The following ANKRD17 variants were observed in gnomAD, a reference collection of about 807,000 sequenced individuals.
ANKRD17 encodes ankyrin repeat domain 17.
ANKRD17 carries 19 observed loss-of-function variants against 229.7 expected under a neutral mutation model. The observed-to-expected ratio is 0.08, with a 90% CI of 0.06 to 0.12. ANKRD17 has a LOEUF of 0.12. ANKRD17 is among the 10% of genes least tolerant of loss of function. The probability of loss-of-function intolerance (pLI) is 1.00; values close to 1 mark genes in which losing one functional copy is unlikely to be tolerated. For missense variants in ANKRD17, 2,176 were observed against 3,176.8 expected (o/e 0.68, Z 7.57); for synonymous variants, 1,112 against 1,146.1 (o/e 0.97, Z 0.60).
At chr4:73,161,371 A>G in intron 2 of ANKRD17, 23 bp from the exon 3 acceptor site, 4 of 1,611,706 alleles carry the variant, frequency 2.5e-6, no homozygotes, top group African/African-American at 1.3e-5. Context: ...TTTCACACCA[A>G]TATGGACACA....
chr4:73,225,711 A>C (rs1578458522), intron 1 of ANKRD17, among the ~76,000 whole-genome samples: 1 of 151,384 alleles, frequency 6.6e-6, no homozygotes, highest in Non-Finnish European at 1.5e-5. Context: ...ATACAAAAAC[A>C]ATAAGTTGGC....
intron 1 of ANKRD17, among the ~76,000 whole-genome samples, chr4:73,230,148 T>A (rs987867648): frequency 3.9e-5 from 6 of 152,056 alleles, no homozygotes; most frequent in Non-Finnish European, 8.8e-5. Context: ...TGAACATGCT[T>A]CGAGAAATGT....
chr4:73,168,303 G>T (rs1312490066), intron 2 of ANKRD17, among the ~76,000 whole-genome samples: 2 of 152,102 alleles, frequency 1.3e-5, no homozygotes, highest in Non-Finnish European at 2.9e-5. Flanking sequence ...CTTAAACCAT[G>T]AACAATTAGT....
intron 24 of ANKRD17, among the ~76,000 whole-genome samples, chr4:73,105,504 G>A (rs953350884): frequency 2.0e-5 from 3 of 151,702 alleles, no homozygotes. Flanking sequence ...ACTCCAATGG[G>A]AAAAGGAAGG....
Position 73,181,416 on chromosome 4 carries a change from G to A in ANKRD17, c.394-3883C>T, listed in dbSNP as rs75694348. 2.0e-3 allele frequency among the ~76,000 whole-genome samples: 304 copies of A among 152,218 alleles called. 2 individuals are homozygous for A. The highest frequency in any genetic ancestry group is 6.7e-3 in the African/African-American group (277 of 41,534). ...AGAAAAAGAGGTATAAAAGTTCAGCGAGGAAAAAGAGAACTTCCTCCTTTA... is the reference window on the plus strand; with the variant it reads ...AGAAAAAGAGGTATAAAAGTTCAGCAAGGAAAAAGAGAACTTCCTCCTTTA... On this transcript the variant is annotated intron_variant, in intron 1 of 33. Transcript: ENST00000358602.
Position 73,247,276 on chromosome 4 carries a change from G to C in ANKRD17, c.393+11000C>G, listed in dbSNP as rs146991773. Reference sequence around the variant, plus strand: ...AACTAAGTAAATTAACCACATCTAGGAACATTCTCATACACTGCTGATGCA... The same window carrying C: ...AACTAAGTAAATTAACCACATCTAGCAACATTCTCATACACTGCTGATGCA... On this transcript the variant is annotated intron_variant, in intron 1 of 33. Coordinates refer to ENST00000358602, the MANE Select transcript of ANKRD17 (RefSeq NM_032217.5). Among the ~76,000 whole-genome samples, 17 of 152,028 alleles carry C rather than the reference G, an allele frequency of 1.1e-4. No individual in the cohort carries two copies. The East Asian group carries it at 3.3e-3, about 29-fold the overall frequency.
At chr4:73,146,989 C>T in intron 9 of ANKRD17, 116 bp from the exon 10 acceptor site, 1 of 865,294 alleles carries the variant, frequency 1.2e-6, no homozygotes, top group South Asian at 2.2e-5. Context: ...CAAATTCAAA[C>T]TTCACTCATT....
In ANKRD17 at chr4:73,154,021, C is replaced by T; in HGVS notation, c.1093G>A (p.Glu365Lys). Residue 365 changes from glutamate (E) to lysine (K), a missense_variant, in exon 6 of 34, where the codon GAA becomes AAA. Physicochemically the swap from Glu to Lys is moderately conservative, Grantham distance 56. Transcript: ENST00000358602. Reference sequence around the variant, plus strand: ...TCCATAAGAGGGGTATGACCATTTTCATTATGGTCCTCAATACTAGCACCG... The same window carrying T: ...TCCATAAGAGGGGTATGACCATTTTTATTATGGTCCTCAATACTAGCACCG... ...ESGASIEDHNENGHTPLMEAG... is the reference protein window; with the variant it reads ...ESGASIEDHNKNGHTPLMEAG... 1 of 1,613,294 alleles carries T rather than the reference C, an allele frequency of 6.2e-7. No homozygotes were observed. Among genetic ancestry groups the T allele is most frequent in the Non-Finnish European group, 8.5e-7 (1 of 1,179,622 alleles).
At position 73,075,960 on chromosome 4, in the gene ANKRD17, CA is replaced by C. The variant is rs1720967062; in HGVS notation, c.*270del. 1 of 310,074 alleles carries C rather than the reference CA, an allele frequency of 3.2e-6. No individual in the cohort carries two copies. Among genetic ancestry groups the C allele is most frequent in the Non-Finnish European group, 5.9e-6 (1 of 168,824 alleles). 19.2% of individuals were successfully genotyped at this position (310,074 alleles called of 1,614,324 possible). A position where few individuals can be genotyped will look rare whatever the true frequency, so the allele number is the denominator to read the frequency against. ...AAACCAACCAGCCAAAGAACAGCTT[CA>C]ACAGAAAGTTATGTCCAAAGGGGAA... On this transcript the variant is annotated 3_prime_UTR_variant, in exon 34 of 34. Transcript: ENST00000358602.
intron 1 of ANKRD17, among the ~76,000 whole-genome samples, chr4:73,189,403 G>GTTT (rs763345325): frequency 0.029 from 3,267 of 112,602 alleles, 363 homozygotes; most frequent in African/African-American, 0.09. Flanking sequence ...TGCCTGGAAT[G>GTTT]TTTTTTTTTT....
At chr4:73,080,121 C>CA (rs1177196455) in intron 30 of ANKRD17, among the ~76,000 whole-genome samples, 1 of 151,774 alleles carries the variant, frequency 6.6e-6, no homozygotes, top group African/African-American at 2.4e-5. Flanking sequence ...CTCCCCCTCC[C>CA]AAAAAAGCTT....
chr4:73,226,389 GTTTT>G (rs1157719883), intron 1 of ANKRD17, among the ~76,000 whole-genome samples: 133 of 87,596 alleles, frequency 1.5e-3, no homozygotes, highest in African/African-American at 5.3e-3. Context: ...CTTTTCTTCT[GTTTT>G]TTTTTTTTTT....
intron 1 of ANKRD17, among the ~76,000 whole-genome samples, chr4:73,213,750 T>C (rs1688489508): frequency 6.6e-6 from 1 of 152,174 alleles, no homozygotes; most frequent in Admixed American, 6.5e-5. Context: ...TGACTCAATT[T>C]TACCTCTATA....
At chr4:73,126,535 G>C (rs1727496793) in intron 16 of ANKRD17, among the ~76,000 whole-genome samples, 1 of 151,840 alleles carries the variant, frequency 6.6e-6, no homozygotes, top group Non-Finnish European at 1.5e-5. Context: ...ATACTTAAAG[G>C]AACCAAATAT....
chr4:73,223,033 A>G (rs1742068615), intron 1 of ANKRD17: 1 of 1,535,988 alleles, frequency 6.5e-7, no homozygotes, highest in Non-Finnish European at 8.7e-7. Context: ...ACCATGTTTT[A>G]TCAAACTGCC....
chr4:73,243,744 G>T (rs993599331), intron 1 of ANKRD17, among the ~76,000 whole-genome samples: 5 of 152,108 alleles, frequency 3.3e-5, no homozygotes, highest in African/African-American at 1.2e-4. Flanking sequence ...CTGGGTACAT[G>T]GCCACTCAGC....
At position 73,156,006 on chromosome 4, in the gene ANKRD17, T is replaced by C. The variant is rs1184858395; in HGVS notation, c.852+13A>G. 6.4e-7 allele frequency: 1 copy of C among 1,560,624 alleles called. No homozygotes were observed. Among genetic ancestry groups the C allele is most frequent in the African/African-American group, 1.4e-5 (1 of 72,122 alleles). ...AAAAAACAACAAATAAGCTTTATTT[T>C]GATAATACGAACCTGTGCAAGCTCA... On this transcript the variant is annotated intron_variant, in intron 4 of 33. Coordinates refer to ENST00000358602, the MANE Select transcript of ANKRD17 (RefSeq NM_032217.5).
chr4:73,128,334 G>C (rs1727749682), intron 16 of ANKRD17, among the ~76,000 whole-genome samples: 1 of 152,198 alleles, frequency 6.6e-6, no homozygotes. Context: ...TTAAGTGTAT[G>C]TGTCTTATGT....
At chr4:73,258,200 C>T in intron 1 of ANKRD17, 76 bp downstream of exon 1, 2 of 1,600,696 alleles carry the variant, frequency 1.2e-6, no homozygotes, top group Non-Finnish European at 1.7e-6. Flanking sequence ...CTGTCCCACT[C>T]CAAATCCCCT....
Sources: gnomAD v4.1 joint callset for allele counts (sites outside exome capture counted in the v4.1 genomes callset) on GRCh38, gnomAD v4.1.1 for gene constraint, MANE v1.5 for transcripts, NCBI Gene and HGNC (gene_info 2026-07-23, HGNC 2026-07-21) for gene names.